The following ADAM9 variants were observed in gnomAD, a reference collection of about 807,000 sequenced individuals.
ADAM9 encodes the protein disintegrin and metalloproteinase domain-containing protein 9.
Under a neutral mutation model 108.1 loss-of-function variants are expected in ADAM9, and 54 were observed. The ratio of observed to expected loss-of-function variants is 0.50; its 90% CI spans 0.40 to 0.63. ADAM9 has a LOEUF of 0.63. Among genes scored for constraint, ADAM9 ranks in the 20% least tolerant of loss-of-function variants. The pLI is 0.00. For missense variants in ADAM9, 830 were observed against 997.7 expected (o/e 0.83, Z 2.26); for synonymous variants, 316 against 336.0 (o/e 0.94, Z 0.65).
At chr8:39,100,614 G>A (rs759327784) in intron 20 of ADAM9, among the ~76,000 whole-genome samples, 5 of 152,092 alleles carry the variant, frequency 3.3e-5, no homozygotes, top group Non-Finnish European at 7.3e-5. Context: ...GGAAAGGGAT[G>A]GAGACATTTT....
intron 18 of ADAM9, among the ~76,000 whole-genome samples, chr8:39,085,869 C>T (rs1028163887): frequency 3.9e-5 from 6 of 152,110 alleles, no homozygotes; most frequent in Non-Finnish European, 8.8e-5. Flanking sequence ...TTTTGGCCAT[C>T]GTTTCTTCGA....
chr8:39,087,259 CAG>C (rs1839206820), intron 18 of ADAM9, among the ~76,000 whole-genome samples: 1 of 152,122 alleles, frequency 6.6e-6, no homozygotes, highest in Admixed American at 6.5e-5. Flanking sequence ...TTCTGCCTCT[CAG>C]GGATCATTGC....
intron 20 of ADAM9, among the ~76,000 whole-genome samples, chr8:39,097,082 G>T (rs1166166965): frequency 3.9e-5 from 6 of 152,062 alleles, no homozygotes; most frequent in Admixed American, 3.9e-4. Context: ...TTATTATTGG[G>T]ATTTTGGCAT....
chr8:39,045,524 ATGTGCATATG>A (rs1415359952), intron 12 of ADAM9, among the ~76,000 whole-genome samples: 1 of 147,056 alleles, frequency 6.8e-6, no homozygotes, highest in Non-Finnish European at 1.5e-5. Flanking sequence ...ATACATATAT[ATGTGCATATG>A]TGTGTATATA....
intron 2 of ADAM9, among the ~76,000 whole-genome samples, chr8:39,009,390 C>G (rs1402409161): frequency 6.6e-6 from 1 of 152,178 alleles, no homozygotes; most frequent in East Asian, 1.9e-4. Flanking sequence ...CAGGCATGTG[C>G]CACTATACCC....
At chr8:39,027,340 G>A (rs921601846) in intron 11 of ADAM9, among the ~76,000 whole-genome samples, 4 of 152,172 alleles carry the variant, frequency 2.6e-5, no homozygotes, top group Admixed American at 1.3e-4. Context: ...AGAGATAAAG[G>A]TGGGAGGCAA....
chr8:39,025,909 T>C, intron 10 of ADAM9, 25 bp downstream of exon 10: 1 of 1,603,336 alleles, frequency 6.2e-7, no homozygotes, highest in East Asian at 2.2e-5. Flanking sequence ...ATGTTTAACT[T>C]TGGATGTTTG....
rs772002178 is a variant in ADAM9 at position 39,103,871 on chromosome 8, A to C, written c.*171A>C. 11 of 716,910 alleles carry C rather than the reference A, an allele frequency of 1.5e-5. No individual in the cohort carries two copies. The highest frequency in any genetic ancestry group is 1.5e-4 in the South Asian group (10 of 67,144). 44.4% of individuals were successfully genotyped at this position (716,910 alleles called of 1,614,324 possible). On this transcript the variant is annotated 3_prime_UTR_variant, in exon 22 of 22. Coordinates refer to ENST00000487273, the MANE Select transcript of ADAM9 (RefSeq NM_003816.3). ...CAGAAACTGAGTGTGAGAGTTGTGA[A>C]ATACAAGGAAATGCAGTAAAGCCAG...
intron 12 of ADAM9, among the ~76,000 whole-genome samples, chr8:39,044,988 A>G (rs146446885): frequency 0.012 from 1,141 of 97,866 alleles, 150 homozygotes; most frequent in African/African-American, 0.035. Context: ...GTATGTGTAT[A>G]TGTGTGTGCA....
At chr8:39,012,389 G>A (rs928489177) in intron 3 of ADAM9, among the ~76,000 whole-genome samples, 3 of 152,142 alleles carry the variant, frequency 2.0e-5, no homozygotes, top group African/African-American at 7.2e-5. Context: ...ACAGTATGGC[G>A]ATTCCTCAAG....
intron 8 of ADAM9, among the ~76,000 whole-genome samples, chr8:39,022,857 G>T (rs770311694): frequency 1.3e-5 from 2 of 152,032 alleles, no homozygotes; most frequent in Non-Finnish European, 2.9e-5. Context: ...GGGTTTACAG[G>T]TGTGCACCAC....
chr8:39,082,968 GTATGTAA>G lies in ADAM9; in HGVS notation c.1966_1972del (p.Cys656AlafsTer34). On this transcript the variant is annotated frameshift_variant and splice_region_variant, in exon 18 of 22. Coordinates refer to ENST00000487273, the MANE Select transcript of ADAM9 (RefSeq NM_003816.3). LOFTEE classifies it high-confidence loss of function. ...AAGTGGTATTTTGATTGTTTTGAAGGTATGTAATAGCAATAAGAATTGTCACTGTGAA... is the reference window on the plus strand; with the variant it reads ...AAGTGGTATTTTGATTGTTTTGAAGGTAGCAATAAGAATTGTCACTGTGAA... 1 of 1,611,358 alleles carries G rather than the reference GTATGTAA, an allele frequency of 6.2e-7. No homozygotes were observed. The highest frequency in any genetic ancestry group is 8.5e-7 in the Non-Finnish European group (1 of 1,177,654).
chr8:39,099,731 GT>G (rs1839623530), intron 20 of ADAM9, among the ~76,000 whole-genome samples: 1 of 152,150 alleles, frequency 6.6e-6, no homozygotes, highest in African/African-American at 2.4e-5. Context: ...ACAGCATGAT[GT>G]TTTATGTAAA....
At chr8:39,001,743 C>T (rs1340635100) in intron 1 of ADAM9, among the ~76,000 whole-genome samples, 1 of 151,780 alleles carries the variant, frequency 6.6e-6, no homozygotes, top group Non-Finnish European at 1.5e-5. Flanking sequence ...TCTCAGCTCA[C>T]TGCAACCTCT....
At chr8:39,040,731 T>C (rs1448445023) in intron 11 of ADAM9, among the ~76,000 whole-genome samples, 1 of 152,136 alleles carries the variant, frequency 6.6e-6, no homozygotes, top group Non-Finnish European at 1.5e-5. Flanking sequence ...AACAGCATGG[T>C]AGTGGTATAA....
chr8:39,093,753 G>T lies in ADAM9; in HGVS notation c.2298+2407G>T, dbSNP rs188424228. On this transcript the variant is annotated intron_variant, in intron 20 of 21. Coordinates refer to ENST00000487273, the MANE Select transcript of ADAM9 (RefSeq NM_003816.3). ...GATGTACAGCCTTTATTGTTCTGAG[G>T]TTCATTATTTCTTTCTTTCTTTTTC... Among the ~76,000 whole-genome samples the T allele has an allele frequency of 4.0e-4, 61 of 152,126 alleles. 1 individual carries two copies. Among genetic ancestry groups the T allele is most frequent in the African/African-American group, 1.4e-3 (57 of 41,532 alleles).
Position 39,091,311 on chromosome 8 carries a change from C to T in ADAM9, c.2263C>T (p.Arg755Ter), listed in dbSNP as rs1588430788. ...NPSRQPGSVP[R>*]HVSPVTPPRE... ...TTCTAGACAGCCGGGGAGTGTTCCT[C>T]GACATGTTTCTCCAGTGACACCTCC... Residue 755 changes from arginine to a stop codon, truncating the protein, a stop_gained, in exon 20 of 22, where the codon CGA becomes TGA. Transcript: ENST00000487273. LOFTEE classifies it high-confidence loss of function. The T allele has an allele frequency of 5.6e-6, 9 of 1,614,026 alleles. No individual in the cohort carries two copies. Among genetic ancestry groups the T allele is most frequent in the Non-Finnish European group, 7.6e-6 (9 of 1,180,000 alleles).
chr8:39,079,490 A>G (rs1225688074), intron 16 of ADAM9, among the ~76,000 whole-genome samples: 2 of 151,844 alleles, frequency 1.3e-5, no homozygotes, highest in African/African-American at 4.8e-5. Flanking sequence ...TTAGCTTGCC[A>G]TTTTTTGAGG....
intron 4 of ADAM9, chr8:39,014,683 A>G (rs1836468879): frequency 4.9e-6 from 3 of 617,824 alleles, no homozygotes; most frequent in South Asian, 2.0e-5. Context: ...TTCTTTTGCA[A>G]TGGTTTTCAT....
Sources: gnomAD v4.1 joint callset for allele counts (sites outside exome capture counted in the v4.1 genomes callset) on GRCh38, gnomAD v4.1.1 for gene constraint, MANE v1.5 for transcripts, NCBI Gene and HGNC (gene_info 2026-07-23, HGNC 2026-07-21) for gene names.